Variants in METTL27 observed in about 807,000 individuals in gnomAD.
METTL27 encodes methyltransferase-like protein 27.
METTL27 carries 29 observed loss-of-function variants against 24.5 expected under a neutral mutation model. That is an observed-to-expected ratio of 1.18 (90% CI 0.88 to 1.61). The LOEUF (loss-of-function observed/expected upper bound fraction) is 1.61. METTL27 is among the 40% of genes most tolerant of loss of function. METTL27 has a pLI of 0.00. For missense variants in METTL27, 341 were observed against 324.3 expected (o/e 1.05, Z -0.40); for synonymous variants, 138 against 146.8 (o/e 0.94, Z 0.43).
chr7:73,837,808 C>T (rs1484639550), intron 5 of METTL27, among the ~76,000 whole-genome samples: 4 of 151,714 alleles, frequency 2.6e-5, no homozygotes, highest in Non-Finnish European at 5.9e-5. Context: ...GTGATCTGCC[C>T]GCTGGGGATT....
chr7:73,841,206 A>T lies in METTL27; in HGVS notation c.124-8T>A. On this transcript the variant is annotated splice_polypyrimidine_tract_variant and splice_region_variant and intron_variant, in intron 2 of 5. Transcript: ENST00000297873. ...CAGCAGGGTGGCCACATCCTGGGGAAAGAGTGCCGGGCCTACAACACCGGT... is the reference window on the plus strand; with the variant it reads ...CAGCAGGGTGGCCACATCCTGGGGATAGAGTGCCGGGCCTACAACACCGGT... The T allele has an allele frequency of 6.4e-7, 1 of 1,557,034 alleles. No homozygotes were observed.
intron 4 of METTL27, 21 bp from the exon 5 acceptor site, chr7:73,840,141 G>T (rs1450014690): frequency 6.4e-6 from 9 of 1,412,344 alleles, no homozygotes; most frequent in Middle Eastern, 1.8e-4. Flanking sequence ...GTGGGGGGGG[G>T]TGGGGACATG....
Position 73,834,644 on chromosome 7 carries a change from G to C in METTL27, c.*99C>G, listed in dbSNP as rs1228713553. ...CATTTCTGAGGGGCAGGGTTGGTTC[G>C]GAGGTCCCATTTTACAGGGGAGGCA... is the stretch of plus-strand genomic sequence containing the variant. On this transcript the variant is annotated 3_prime_UTR_variant, in exon 6 of 6. Transcript: ENST00000297873. 2 of 1,076,872 alleles carry C rather than the reference G, an allele frequency of 1.9e-6. No homozygotes were observed. Among genetic ancestry groups the C allele is most frequent in the African/African-American group, 3.1e-5 (2 of 63,640 alleles). The allele number at this position is 1,076,872 out of a possible 1,614,324, so 66.7% of individuals were successfully genotyped here. A position where few individuals can be genotyped will look rare whatever the true frequency, so the allele number is the denominator to read the frequency against.
intron 2 of METTL27, 128 bp from the exon 3 acceptor site, chr7:73,841,326 G>A (rs944305531): frequency 1.7e-5 from 23 of 1,355,094 alleles, no homozygotes; most frequent in African/African-American, 1.1e-4. Context: ...TGGGGCTAGC[G>A]TGAGGGGACG....
chr7:73,839,332 C>T (rs539914874), intron 5 of METTL27, among the ~76,000 whole-genome samples: 1 of 152,236 alleles, frequency 6.6e-6, no homozygotes, highest in Non-Finnish European at 1.5e-5. Flanking sequence ...TCACGGCTCT[C>T]GTGGGGCCAC....
chr7:73,838,467 T>C (rs1788267452), intron 5 of METTL27, among the ~76,000 whole-genome samples: 1 of 152,186 alleles, frequency 6.6e-6, no homozygotes, highest in African/African-American at 2.4e-5. Flanking sequence ...TGGCCCCAAG[T>C]GCACTGAGAA....
chr7:73,842,468 G>A, intron 1 of METTL27, 22 bp downstream of exon 1: 1 of 311,078 alleles, frequency 3.2e-6, no homozygotes, highest in Non-Finnish European at 5.9e-6. Context: ...CGGTCTCGAA[G>A]GAGGCCGGAG....
At position 73,834,809 on chromosome 7, in the gene METTL27, C is replaced by T; in HGVS notation, c.672G>A (p.Arg224=). The part of the protein sequence containing the change: ...SWRWYPASLP[R]MASSPALSTC... ...TAGACAATGCCGGAGATGAAGCCAT[C>T]CTTGGCAGAGATGCCGGATACCACC... The change falls in exon 6 of 6, where the codon AGG becomes AGA. Residue 224 remains arginine (R), a synonymous_variant. Transcript: ENST00000297873. The T allele has an allele frequency of 6.2e-7, 1 of 1,614,174 alleles. No individual in the cohort carries two copies.
chr7:73,841,181 C>G lies in METTL27; in HGVS notation c.141G>C (p.Leu47=). The G allele has an allele frequency of 3.2e-6, 5 of 1,557,984 alleles. No homozygotes were observed. The highest frequency in any genetic ancestry group is 4.3e-6 in the Non-Finnish European group (5 of 1,159,328). ...PDYDQDVATL[L]YRAPRLAVDC... ...CCACTGCGAGGCGGGGCGCACGGTA[C>G]AGCAGGGTGGCCACATCCTGGGGAA... is the stretch of plus-strand genomic sequence containing the variant. The change falls in exon 3 of 6, where the codon CTG becomes CTC. Residue 47 remains leucine, a synonymous_variant. Transcript: ENST00000297873.
At chr7:73,835,346 GC>G (rs1788138175) in intron 5 of METTL27, among the ~76,000 whole-genome samples, 1 of 143,278 alleles carries the variant, frequency 7.0e-6, no homozygotes, top group Non-Finnish European at 1.5e-5. Flanking sequence ...GACTCAGCCT[GC>G]CGAGTGCCTG....
intron 1 of METTL27, 82 bp from the exon 2 acceptor site, chr7:73,842,226 G>A: frequency 6.6e-6 from 10 of 1,513,508 alleles, no homozygotes; most frequent in Non-Finnish European, 8.8e-6. Flanking sequence ...TCCCCCTTCA[G>A]AGGAGGCTGC....
chr7:73,841,256 T>C (rs1788347600), intron 2 of METTL27, 58 bp from the exon 3 acceptor site: 4 of 1,527,200 alleles, frequency 2.6e-6, no homozygotes, highest in Non-Finnish European at 1.7e-6. Context: ...GGGATCTCCC[T>C]TATGGGGTGG....
At chr7:73,840,386 C>G in intron 4 of METTL27, 28 bp downstream of exon 4, 5 of 1,555,354 alleles carry the variant, frequency 3.2e-6, no homozygotes, top group Non-Finnish European at 4.3e-6. Flanking sequence ...GGGTGGGCCT[C>G]GGGGTGTGGA....
chr7:73,837,473 A>AT (rs1344903217), intron 5 of METTL27, among the ~76,000 whole-genome samples: 33 of 144,992 alleles, frequency 2.3e-4, no homozygotes, highest in African/African-American at 8.3e-4. Flanking sequence ...TAATGTTCCA[A>AT]TAAAAAAAAA....
At chr7:73,837,716 A>G (rs1303243839) in intron 5 of METTL27, among the ~76,000 whole-genome samples, 1 of 152,068 alleles carries the variant, frequency 6.6e-6, no homozygotes, top group African/African-American at 2.4e-5. Flanking sequence ...GGCACGTGCC[A>G]CCACGCCCGG....
chr7:73,835,013 G>T lies in METTL27; in HGVS notation c.479-11C>A. 6.2e-7 allele frequency: 1 copy of T among 1,603,226 alleles called. No individual in the cohort carries two copies. On this transcript the variant is annotated splice_polypyrimidine_tract_variant and intron_variant, in intron 5 of 5. Transcript: ENST00000297873. ...GACACACCAGCCCACCTGGGGGAGA[G>T]GGGTAGGTGAGGTGGGGGAGGGGCA...
intron 5 of METTL27, among the ~76,000 whole-genome samples, chr7:73,836,032 G>A (rs570707967): frequency 3.9e-3 from 569 of 147,696 alleles, no homozygotes; most frequent in Middle Eastern, 0.01. Flanking sequence ...GCCCCGTCTG[G>A]GAAGTGAGGA....
At chr7:73,837,316 A>G (rs9690873) in intron 5 of METTL27, among the ~76,000 whole-genome samples, 1 of 72,404 alleles carries the variant, frequency 1.4e-5, no homozygotes, top group Non-Finnish European at 3.3e-5. Context: ...TTTAAAAAAA[A>G]TAAAAAAAAA....
At chr7:73,840,656 A>C in intron 3 of METTL27, 107 bp from the exon 4 acceptor site, 1 of 1,444,144 alleles carries the variant, frequency 6.9e-7, no homozygotes, top group South Asian at 1.4e-5. Context: ...TGGCCCATGC[A>C]TTTGCTTTTT....
Sources: gnomAD v4.1 joint callset for allele counts (sites outside exome capture counted in the v4.1 genomes callset) on GRCh38, gnomAD v4.1.1 for gene constraint, MANE v1.5 for transcripts, NCBI Gene and HGNC (gene_info 2026-07-23, HGNC 2026-07-21) for gene names.